Variants in SCHIP1 observed in about 807,000 individuals in gnomAD.
The protein encoded by SCHIP1 is schwannomin-interacting protein 1.
A neutral mutation model predicts 29.7 loss-of-function variants in SCHIP1; 8 were observed. That is an observed-to-expected ratio of 0.27 (90% confidence interval 0.16 to 0.49). The LOEUF (loss-of-function observed/expected upper bound fraction) is 0.49, where lower values mean the gene tolerates loss of function less well. Ranked by LOEUF, SCHIP1 falls within the 20% of genes least tolerant of loss-of-function variation. The pLI, the probability that SCHIP1 is intolerant of heterozygous loss-of-function variation, is 0.99. For synonymous variants in SCHIP1, 76 were observed against 94.9 expected (o/e 0.80, Z 1.16); for missense variants, 193 against 294.6 (o/e 0.66, Z 2.52).
the SCHIP1 span, among the ~76,000 whole-genome samples, chr3:159,463,273 A>C: frequency 6.6e-5 from 10 of 152,154 alleles, no homozygotes; most frequent in South Asian, 6.2e-4. Flanking sequence ...ATGTATTTGC[A>C]GAGCTTTTGG....
At chr3:159,316,733 A>G in the SCHIP1 span, among the ~76,000 whole-genome samples, 1 of 152,264 alleles carries the variant, frequency 6.6e-6, no homozygotes, top group South Asian at 2.1e-4. Context: ...AAACCCAAGT[A>G]CAATTACATA....
the SCHIP1 span, among the ~76,000 whole-genome samples, chr3:159,761,139 G>A: frequency 6.6e-6 from 1 of 152,226 alleles, no homozygotes; most frequent in African/African-American, 2.4e-5. Flanking sequence ...GGGTAGGGGA[G>A]TAGTTAATGA....
At chr3:159,387,248 C>G in the SCHIP1 span, 1 of 206,426 alleles carries the variant, frequency 4.8e-6, no homozygotes, top group East Asian at 1.6e-4. Context: ...CACTGGCCAG[C>G]AAGAGTCTGC....
the SCHIP1 span, among the ~76,000 whole-genome samples, chr3:159,829,755 G>A: frequency 1.3e-5 from 2 of 152,162 alleles, no homozygotes; most frequent in South Asian, 4.1e-4. Context: ...AATTACGCAA[G>A]TTGCCCAGAG....
the SCHIP1 span, among the ~76,000 whole-genome samples, chr3:159,621,951 CCA>C: frequency 6.6e-6 from 1 of 152,220 alleles, no homozygotes; most frequent in Non-Finnish European, 1.5e-5. Context: ...CAGGCGTGAG[CCA>C]CTGTGCTCAG....
the SCHIP1 span, among the ~76,000 whole-genome samples, chr3:159,565,832 G>T: frequency 2.0e-3 from 302 of 152,214 alleles, no homozygotes; most frequent in African/African-American, 6.9e-3. Context: ...GTAAATGCAT[G>T]TAATGTACAA....
the SCHIP1 span, among the ~76,000 whole-genome samples, chr3:159,615,325 T>A: frequency 3.3e-5 from 5 of 152,206 alleles, no homozygotes; most frequent in African/African-American, 1.2e-4. Flanking sequence ...GGAAGCAATT[T>A]GGGATTTTAA....
chr3:159,429,375 G>GGT, the SCHIP1 span, among the ~76,000 whole-genome samples: 1 of 151,992 alleles, frequency 6.6e-6, no homozygotes, highest in African/African-American at 2.4e-5. Context: ...AGAGAGATGA[G>GGT]GTGGGGGTAA....
the SCHIP1 span, among the ~76,000 whole-genome samples, chr3:159,313,853 GAA>G: frequency 1.3e-5 from 2 of 152,192 alleles, no homozygotes; most frequent in Non-Finnish European, 2.9e-5. Context: ...CTCCTTTGAA[GAA>G]TACTATCAGG....
At chr3:159,355,483 T>A in the SCHIP1 span, among the ~76,000 whole-genome samples, 26 of 152,230 alleles carry the variant, frequency 1.7e-4, no homozygotes, top group Non-Finnish European at 3.4e-4. Context: ...CAAGGTGACA[T>A]CATATAAGAT....
the SCHIP1 span, chr3:159,398,953 G>A: frequency 1.0e-6 from 1 of 984,038 alleles, no homozygotes; most frequent in Non-Finnish European, 1.2e-6. Flanking sequence ...ATTCAAACAA[G>A]TGTGGGCAAT....
the SCHIP1 span, among the ~76,000 whole-genome samples, chr3:159,279,080 C>A: frequency 6.6e-6 from 1 of 152,170 alleles, no homozygotes; most frequent in Admixed American, 6.5e-5. Flanking sequence ...AACCCAGTCA[C>A]ATGCTGATAT....
chr3:159,760,088 T>A, the SCHIP1 span, among the ~76,000 whole-genome samples: 1 of 36,648 alleles, frequency 2.7e-5, no homozygotes, highest in East Asian at 1.2e-3. Context: ...TGCAGGGGGG[T>A]GGGGGGGATA....
the SCHIP1 span, among the ~76,000 whole-genome samples, chr3:159,645,026 T>C: frequency 6.6e-6 from 1 of 152,180 alleles, no homozygotes; most frequent in African/African-American, 2.4e-5. Context: ...CCCCCAGAAG[T>C]AAGGCAGAGA....
At chr3:159,344,991 G>A in the SCHIP1 span, among the ~76,000 whole-genome samples, 1 of 152,212 alleles carries the variant, frequency 6.6e-6, no homozygotes, top group Non-Finnish European at 1.5e-5. Flanking sequence ...GCACACGCCT[G>A]TAATCCCAGC....
the SCHIP1 span, among the ~76,000 whole-genome samples, chr3:159,524,931 A>G: frequency 6.6e-6 from 1 of 152,102 alleles, no homozygotes; most frequent in Non-Finnish European, 1.5e-5. Flanking sequence ...CCCCACCCCT[A>G]GCCACCATCA....
the SCHIP1 span, among the ~76,000 whole-genome samples, chr3:159,335,828 G>A: frequency 1.3e-5 from 2 of 152,138 alleles, no homozygotes; most frequent in African/African-American, 2.4e-5. Context: ...CTTTATAGCA[G>A]CATGATTTAT....
chr3:159,366,428 C>G, the SCHIP1 span, among the ~76,000 whole-genome samples: 11 of 152,184 alleles, frequency 7.2e-5, no homozygotes, highest in Admixed American at 7.2e-4. Flanking sequence ...AGAACTTGGG[C>G]ACTGAATTCA....
chr3:159,487,941 A>T, the SCHIP1 span, among the ~76,000 whole-genome samples: 1 of 152,322 alleles, frequency 6.6e-6, no homozygotes, highest in Admixed American at 6.5e-5. Flanking sequence ...ATAACACATG[A>T]TCTTAAATAC....
Sources: allele counts gnomAD v4.1 joint callset (sites outside exome capture counted in the v4.1 genomes callset), GRCh38; gene constraint gnomAD v4.1.1; transcripts MANE v1.5; gene names NCBI Gene and HGNC (gene_info 2026-07-23, HGNC 2026-07-21).